Variants in CEP112 observed in about 807,000 individuals in gnomAD.
CEP112 encodes the protein centrosomal protein 112.
A neutral mutation model predicts 153.0 loss-of-function variants in CEP112; 127 were observed. The ratio of observed to expected loss-of-function variants is 0.83; its 90% CI spans 0.72 to 0.96. The LOEUF (loss-of-function observed/expected upper bound fraction) is 0.96, where lower values mean the gene tolerates loss of function less well. Ranked by LOEUF, CEP112 falls within the 40% of genes least tolerant of loss-of-function variation. The pLI is 0.00. For synonymous variants in CEP112, 358 were observed against 374.4 expected (o/e 0.96, Z 0.51); for missense variants, 1,089 against 1,101.2 (o/e 0.99, Z 0.16).
chr17:65,920,366 T>A (rs1393601102), intron 19 of CEP112, among the ~76,000 whole-genome samples: 101 of 40,048 alleles, frequency 2.5e-3, no homozygotes, highest in African/African-American at 0.013. Context: ...AAACAAAATA[T>A]ATATATATAT....
In CEP112 at chr17:66,176,844, G is replaced by A. The variant is rs1244908433; in HGVS notation, c.283C>T (p.Leu95=). Residue 95 remains leucine (L), a synonymous_variant, in exon 3 of 27, where the codon CTA becomes TTA. Transcript: ENST00000535342. ...HRPEPGTLKI[L]PSYMSIYFDE... ...TTGATACCTACCATGTATGAAGGTAGAATTTTTAGTGTCCCGGGTTCAGGT... is the reference window on the plus strand; with the variant it reads ...TTGATACCTACCATGTATGAAGGTAAAATTTTTAGTGTCCCGGGTTCAGGT... The A allele has an allele frequency of 6.2e-7, 1 of 1,607,222 alleles. No homozygotes were observed. The highest frequency in any genetic ancestry group is 8.5e-7 in the Non-Finnish European group (1 of 1,177,848).
intron 2 of CEP112, among the ~76,000 whole-genome samples, chr17:66,178,893 G>A (rs79714622): frequency 0.034 from 5,196 of 152,194 alleles, 132 homozygotes; most frequent in Middle Eastern, 0.061. Context: ...TGTACAAGAA[G>A]ATACAAAAGT....
At chr17:66,051,644 G>A (rs1249691164) in intron 12 of CEP112, among the ~76,000 whole-genome samples, 1 of 152,104 alleles carries the variant, frequency 6.6e-6, no homozygotes, top group Admixed American at 6.6e-5. Flanking sequence ...GCTGGTCCAA[G>A]GGTGCAAGGT....
chr17:66,176,799 T>G (rs373158418), intron 3 of CEP112, 31 bp downstream of exon 3: 135 of 1,504,220 alleles, frequency 9.0e-5, no homozygotes, highest in Non-Finnish European at 1.2e-4. Context: ...TAAATGAAAC[T>G]AATATATACC....
intron 1 of CEP112, among the ~76,000 whole-genome samples, chr17:66,187,833 T>C (rs1212668679): frequency 6.6e-6 from 1 of 152,214 alleles, no homozygotes; most frequent in Admixed American, 6.5e-5. Context: ...TCTAGATTTA[T>C]ATGTCCAAGA....
At chr17:66,179,423 C>T (rs1185903871) in intron 2 of CEP112, among the ~76,000 whole-genome samples, 2 of 151,566 alleles carry the variant, frequency 1.3e-5, no homozygotes, top group Admixed American at 6.6e-5. Context: ...TTGGTTAATT[C>T]CTAGGTATTT....
intron 17 of CEP112, among the ~76,000 whole-genome samples, chr17:65,999,559 A>G (rs2063933901): frequency 8.7e-6 from 1 of 114,670 alleles, no homozygotes; most frequent in Non-Finnish European, 2.0e-5. Flanking sequence ...ATAATCCTGA[A>G]AGCATTTTTT....
chr17:65,704,817 C>A (rs1022345321), intron 23 of CEP112, among the ~76,000 whole-genome samples: 7 of 152,258 alleles, frequency 4.6e-5, no homozygotes, highest in Admixed American at 3.9e-4. Context: ...ATATCTGGAG[C>A]CAATACTCAT....
chr17:66,013,628 C>A (rs536976032), intron 16 of CEP112, among the ~76,000 whole-genome samples: 3 of 152,140 alleles, frequency 2.0e-5, no homozygotes, highest in Non-Finnish European at 4.4e-5. Flanking sequence ...GTTCCTGGTC[C>A]GATGGCCACA....
At chr17:65,869,646 C>A (rs1217095240) in intron 20 of CEP112, among the ~76,000 whole-genome samples, 2 of 145,604 alleles carry the variant, frequency 1.4e-5, no homozygotes, top group African/African-American at 5.1e-5. Flanking sequence ...GTGGTGTGAT[C>A]TCTGCTCACT....
intron 20 of CEP112, among the ~76,000 whole-genome samples, chr17:65,876,858 C>T (rs989988704): frequency 3.3e-5 from 5 of 152,028 alleles, no homozygotes; most frequent in African/African-American, 1.2e-4. Flanking sequence ...ATTTTCAGAG[C>T]AGCCTGTTCT....
At chr17:65,655,881 C>T (rs118129767) in intron 24 of CEP112, among the ~76,000 whole-genome samples, 4,410 of 152,260 alleles carry the variant, frequency 0.029, 84 homozygotes, top group Non-Finnish European at 0.042. Context: ...AAAGCTAAAA[C>T]CATATTACAG....
intron 18 of CEP112, among the ~76,000 whole-genome samples, chr17:65,957,905 G>A (rs1346843702): frequency 6.6e-6 from 1 of 152,042 alleles, no homozygotes; most frequent in African/African-American, 2.4e-5. Context: ...TTATGACAAA[G>A]AGTTTTAGTA....
At chr17:65,639,033 T>G (rs933431590) in intron 25 of CEP112, among the ~76,000 whole-genome samples, 11 of 152,154 alleles carry the variant, frequency 7.2e-5, no homozygotes, top group African/African-American at 2.7e-4. Flanking sequence ...TAAAAATTAT[T>G]TAACCCTTTG....
chr17:65,693,420 T>C (rs938424953), intron 23 of CEP112, among the ~76,000 whole-genome samples: 26 of 151,468 alleles, frequency 1.7e-4, no homozygotes, highest in Non-Finnish European at 3.7e-4. Context: ...TCTTGAATCT[T>C]GAGGAAATAA....
At chr17:65,957,251 C>A (rs34097904) in intron 18 of CEP112, among the ~76,000 whole-genome samples, 62,978 of 151,874 alleles carry the variant, frequency 0.41, 14,436 homozygotes, top group East Asian at 0.87. Flanking sequence ...AAAAATAAAA[C>A]GCTAAAAAAG....
intron 23 of CEP112, among the ~76,000 whole-genome samples, chr17:65,720,720 T>C (rs1039974238): frequency 1.6e-4 from 24 of 152,340 alleles, no homozygotes; most frequent in African/African-American, 5.5e-4. Flanking sequence ...TCAACACTTA[T>C]TGAATAGGGC....
chr17:66,159,052 T>C (rs2071577345), intron 4 of CEP112, among the ~76,000 whole-genome samples: 2 of 152,270 alleles, frequency 1.3e-5, no homozygotes, highest in Admixed American at 1.3e-4. Flanking sequence ...CAAACTATCA[T>C]CAGAGAATAC....
chr17:65,737,999 G>A (rs894722576), intron 23 of CEP112, among the ~76,000 whole-genome samples: 9 of 152,162 alleles, frequency 5.9e-5, no homozygotes, highest in African/African-American at 2.2e-4. Flanking sequence ...AATGCTCGAT[G>A]AGCCGTGTTT....
Sources: gnomAD v4.1 joint callset for allele counts (sites outside exome capture counted in the v4.1 genomes callset) on GRCh38, gnomAD v4.1.1 for gene constraint, MANE v1.5 for transcripts, NCBI Gene and HGNC (gene_info 2026-07-23, HGNC 2026-07-21) for gene names.